The following ARHGEF6 variants were observed in gnomAD, a reference collection of about 807,000 sequenced individuals.
ARHGEF6 encodes the protein rho guanine nucleotide exchange factor 6.
In ARHGEF6, 9 loss-of-function variants were observed where a neutral mutation model predicts 70.3. The observed-to-expected ratio is 0.13, with a 90% CI of 0.08 to 0.22. The LOEUF (loss-of-function observed/expected upper bound fraction) is 0.22. ARHGEF6 is among the 10% of genes least tolerant of loss of function. The pLI is 1.00. For synonymous variants in ARHGEF6, 201 were observed against 207.8 expected (o/e 0.97, Z 0.28); for missense variants, 470 against 563.0 (o/e 0.83, Z 1.67).
Position 136,773,137 on chromosome X carries a change from T to C in ARHGEF6, c.249+6277A>G, listed in dbSNP as rs775217830. Among the ~76,000 whole-genome samples the C allele has an allele frequency of 8.2e-4, 91 of 111,434 alleles. 1 individual carries two copies. Among genetic ancestry groups the C allele is most frequent in the Non-Finnish European group, 1.2e-3 (64 of 53,071 alleles). On this transcript the variant is annotated intron_variant, in intron 2 of 21. Transcript: ENST00000250617. ...CCATGCCCCAGAGCCCAGTACTCAA[T>C]TTGTCGGTACGGTGCTGCATCTGCG...
Position 136,672,124 on chromosome X carries a change from A to G in ARHGEF6, c.2036-5T>C, listed in dbSNP as rs752493318. 6 of 1,178,746 alleles carry G rather than the reference A, an allele frequency of 5.1e-6. No homozygotes were observed. In the Admixed American group the frequency reaches 6.6e-5, roughly 13 times the overall value. On this transcript the variant is annotated splice_region_variant and splice_polypyrimidine_tract_variant and intron_variant, in intron 19 of 21. Transcript: ENST00000250617. ...GAATGGAATCTTTTCGAGTACCTAC[A>G]AACAAGGGTTGCAAGATGGGGGAGG...
chrX:136,686,637 TATATAC>T (rs1229839419), intron 11 of ARHGEF6, among the ~76,000 whole-genome samples: 26 of 75,408 alleles, frequency 3.4e-4, no homozygotes, highest in African/African-American at 1.8e-3. Context: ...TATATATATA[TATATAC>T]ACACATATAT....
At chrX:136,758,247 C>T (rs1449021109) in intron 2 of ARHGEF6, among the ~76,000 whole-genome samples, 74 of 107,364 alleles carry the variant, frequency 6.9e-4, no homozygotes, top group African/African-American at 2.4e-3. Flanking sequence ...GAGACGAGGT[C>T]TCACCGTGTT....
intron 9 of ARHGEF6, among the ~76,000 whole-genome samples, chrX:136,703,527 T>A (rs904681091): frequency 8.0e-5 from 9 of 112,475 alleles, no homozygotes; most frequent in Non-Finnish European, 7.5e-5. Context: ...AAACTTTTTT[T>A]ATTTTTTTTC....
rs751231558 is a variant in ARHGEF6, at chrX:136,691,876, A to G, written c.1047-1128T>C. Among the ~76,000 whole-genome samples the G allele has an allele frequency of 2.7e-5, 3 of 111,814 alleles. No homozygotes were observed. In the East Asian group the frequency reaches 8.4e-4, roughly 31 times the overall value. The stretch of plus-strand genomic sequence containing the variant: ...TTTTTAAACTCCTACTGGCTCCACC[A>G]TCTTTCTCACTACTCCCCAGCAGGA... On this transcript the variant is annotated intron_variant, in intron 9 of 21. Transcript: ENST00000250617.
chrX:136,686,861 T>G (rs2148589468), intron 11 of ARHGEF6, among the ~76,000 whole-genome samples: 1 of 104,995 alleles, frequency 9.5e-6, no homozygotes, highest in African/African-American at 3.5e-5. Flanking sequence ...AAGATAATAT[T>G]TTGGGGTTAT....
At chrX:136,695,643 G>C (rs776622630) in intron 9 of ARHGEF6, among the ~76,000 whole-genome samples, 8 of 112,184 alleles carry the variant, frequency 7.1e-5, no homozygotes, top group South Asian at 3.6e-4. Context: ...TCATTTTACT[G>C]GTGTTAAGGA....
intron 5 of ARHGEF6, among the ~76,000 whole-genome samples, chrX:136,736,154 C>T (rs147342724): frequency 1.8e-5 from 2 of 111,635 alleles, no homozygotes; most frequent in Non-Finnish European, 3.8e-5. Context: ...TTCTAGGTAA[C>T]AAAACAGAGA....
intron 6 of ARHGEF6, among the ~76,000 whole-genome samples, chrX:136,725,562 G>A (rs1402034020): frequency 9.0e-6 from 1 of 111,095 alleles, no homozygotes; most frequent in East Asian, 2.8e-4. Flanking sequence ...CAGGCCACAG[G>A]GCATCTAATG....
chrX:136,713,669 A>G (rs1407999351), intron 6 of ARHGEF6, among the ~76,000 whole-genome samples: 1 of 111,931 alleles, frequency 8.9e-6, no homozygotes, highest in Non-Finnish European at 1.9e-5. Context: ...TTGTAGAGAC[A>G]GGATCTCTCT....
chrX:136,767,289 A>G lies in ARHGEF6; in HGVS notation c.249+12125T>C. On this transcript the variant is annotated intron_variant, in intron 2 of 21. Transcript: ENST00000250617. ...TGTGCCAAGGCTGCGGGAACAGATC[A>G]ACCCAGCCGGAGCTGGGACCCTGCC... 5.3e-6 allele frequency: 4 copies of G among 754,654 alleles called. No individual in the cohort carries two copies. The South Asian group carries it at 2.0e-4, about 38-fold the overall frequency. The allele number at this position is 754,654 out of a possible 1,213,427, so 62.2% of individuals were successfully genotyped here.
intron 21 of ARHGEF6, 149 bp from the exon 22 acceptor site, chrX:136,668,318 G>T: frequency 4.5e-6 from 3 of 673,172 alleles, no homozygotes; most frequent in Non-Finnish European, 6.7e-6. Context: ...GCAGCCTGTC[G>T]ATTCTCCTGC....
At position 136,748,581 on chromosome X, in the gene ARHGEF6, T is replaced by C. The variant is rs1026691203; in HGVS notation, c.250-989A>G. ...CAATGTAAGTATGCATATCTGAAGGTAACCAGATGCCCACCTTCTGGATGG... is the reference window on the plus strand; with the variant it reads ...CAATGTAAGTATGCATATCTGAAGGCAACCAGATGCCCACCTTCTGGATGG... On this transcript the variant is annotated intron_variant, in intron 2 of 21. Coordinates refer to ENST00000250617, the MANE Select transcript of ARHGEF6 (RefSeq NM_004840.3). Among the ~76,000 whole-genome samples, 141 of 112,332 alleles carry C rather than the reference T, an allele frequency of 1.3e-3. 1 individual carries two copies. The highest frequency in any genetic ancestry group is 2.1e-4 in the Non-Finnish European group (11 of 53,232).
intron 6 of ARHGEF6, among the ~76,000 whole-genome samples, chrX:136,721,565 A>T (rs755049151): frequency 7.2e-4 from 81 of 111,873 alleles, no homozygotes; most frequent in African/African-American, 2.5e-3. Context: ...CCTGTCTCAA[A>T]ACAAAACAAA....
intron 5 of ARHGEF6, among the ~76,000 whole-genome samples, chrX:136,738,339 C>G (rs1006497096): frequency 9.0e-6 from 1 of 111,443 alleles, no homozygotes; most frequent in Non-Finnish European, 1.9e-5. Flanking sequence ...ACCAATCACC[C>G]GCCCAACACA....
At chrX:136,682,041 A>C in intron 13 of ARHGEF6, 73 bp from the exon 14 acceptor site, 5 of 896,248 alleles carry the variant, frequency 5.6e-6, no homozygotes, top group Non-Finnish European at 8.2e-6. Flanking sequence ...AGATTTTCTG[A>C]CCCTCTCAGC....
intron 2 of ARHGEF6, among the ~76,000 whole-genome samples, chrX:136,763,702 G>A (rs1165410188): frequency 9.0e-6 from 1 of 111,551 alleles, no homozygotes; most frequent in Non-Finnish European, 1.9e-5. Context: ...GTATGTGCCT[G>A]TAATCCCAGC....
At chrX:136,681,413 C>T (rs1457325606) in intron 14 of ARHGEF6, among the ~76,000 whole-genome samples, 3 of 112,236 alleles carry the variant, frequency 2.7e-5, no homozygotes, top group African/African-American at 9.7e-5. Context: ...GGATCATAAG[C>T]TAAAATGTCA....
chrX:136,760,343 AT>A (rs1178195995), intron 2 of ARHGEF6, among the ~76,000 whole-genome samples: 1 of 112,309 alleles, frequency 8.9e-6, no homozygotes, highest in African/African-American at 3.2e-5. Flanking sequence ...TCTCAGACTG[AT>A]CCTTGAGGGC....
Sources: gnomAD v4.1 joint callset for allele counts (sites outside exome capture counted in the v4.1 genomes callset) on GRCh38, gnomAD v4.1.1 for gene constraint, MANE v1.5 for transcripts, NCBI Gene and HGNC (gene_info 2026-07-23, HGNC 2026-07-21) for gene names.